Variants in S100PBP observed in about 807,000 individuals in gnomAD.
S100PBP encodes S100P binding protein, also known as S100P-binding protein.
S100PBP carries 15 observed loss-of-function variants against 39.9 expected under a neutral mutation model. That is an observed-to-expected ratio of 0.38 (90% CI 0.25 to 0.58). The LOEUF is 0.58. Ranked by LOEUF, S100PBP falls within the 20% of genes least tolerant of loss-of-function variation. The pLI, the probability that S100PBP is intolerant of heterozygous loss-of-function variation, is 0.70. For missense variants in S100PBP, 504 were observed against 487.3 expected, an observed-to-expected ratio of 1.03 and a Z score of -0.32; for synonymous variants, 178 against 180.3, an observed-to-expected ratio of 0.99 and a Z score of 0.10.
intron 1 of S100PBP, chr1:32,820,577 A>C (rs1639010149): frequency 6.6e-6 from 1 of 152,154 alleles, no homozygotes; most frequent in Admixed American, 6.5e-5. Flanking sequence ...GATCTCATTT[A>C]ATTCTTGCCA....
At chr1:32,855,134 A>G (rs890584148) in intron 6 of S100PBP, among the ~76,000 whole-genome samples, 1 of 152,218 alleles carries the variant, frequency 6.6e-6, no homozygotes, top group African/African-American at 2.4e-5. Context: ...ACTACTCATA[A>G]TTACCTGTGG....
intron 5 of S100PBP, among the ~76,000 whole-genome samples, chr1:32,831,721 A>T (rs1000849240): frequency 2.0e-5 from 3 of 151,920 alleles, no homozygotes; most frequent in Non-Finnish European, 4.4e-5. Flanking sequence ...TCCCCCCATC[A>T]TTGGAGGGGC....
intron 5 of S100PBP, among the ~76,000 whole-genome samples, chr1:32,841,298 C>T (rs76177756): frequency 2.6e-5 from 4 of 152,022 alleles, no homozygotes; most frequent in African/African-American, 7.2e-5. Context: ...TATGCCTTGT[C>T]TTTTCATTCC....
chr1:32,842,234 TATACACACACACACAC>T (rs1224746213), intron 5 of S100PBP, among the ~76,000 whole-genome samples: 5 of 91,954 alleles, frequency 5.4e-5, no homozygotes, highest in African/African-American at 1.4e-4. Flanking sequence ...TATATATATA[TATACACACACACACAC>T]ACACACACAC....
chr1:32,829,854 C>T, intron 4 of S100PBP, 110 bp from the exon 5 acceptor site: 2 of 719,810 alleles, frequency 2.8e-6, no homozygotes, highest in Middle Eastern at 3.7e-4. Flanking sequence ...ATAATTTTGC[C>T]TCTGAAACTT....
At chr1:32,838,465 T>C (rs1639943466) in intron 5 of S100PBP, among the ~76,000 whole-genome samples, 1 of 152,120 alleles carries the variant, frequency 6.6e-6, no homozygotes, top group Non-Finnish European at 1.5e-5. Flanking sequence ...TTGGGTATGG[T>C]CACTATTTTA....
intron 5 of S100PBP, among the ~76,000 whole-genome samples, chr1:32,839,803 C>T (rs541389617): frequency 2.0e-5 from 3 of 152,186 alleles, no homozygotes; most frequent in African/African-American, 7.2e-5. Flanking sequence ...TACCACTGCA[C>T]CCAGACTATT....
chr1:32,833,987 G>A, intron 5 of S100PBP: 1 of 282,624 alleles, frequency 3.5e-6, no homozygotes, highest in Non-Finnish European at 7.5e-6. Context: ...ATGCTGCAGT[G>A]AACATTCTGG....
intron 5 of S100PBP, among the ~76,000 whole-genome samples, chr1:32,840,612 C>T (rs1051140975): frequency 2.0e-5 from 3 of 152,104 alleles, no homozygotes; most frequent in Non-Finnish European, 2.9e-5. Flanking sequence ...CTGCCTCGGC[C>T]TCCCAAAGTG....
intron 5 of S100PBP, among the ~76,000 whole-genome samples, chr1:32,845,830 G>A (rs1010861300): frequency 4.7e-5 from 7 of 149,462 alleles, no homozygotes; most frequent in South Asian, 4.2e-4. Flanking sequence ...GGTGTGTGCC[G>A]CCAAGCCTGG....
intron 5 of S100PBP, among the ~76,000 whole-genome samples, chr1:32,837,828 T>G (rs551642719): frequency 6.6e-6 from 1 of 152,138 alleles, no homozygotes; most frequent in Non-Finnish European, 1.5e-5. Flanking sequence ...TATTTCTTTT[T>G]ATTGCTGAGT....
chr1:32,844,159 G>A (rs573844157), intron 5 of S100PBP, among the ~76,000 whole-genome samples: 4 of 152,102 alleles, frequency 2.6e-5, no homozygotes, highest in East Asian at 3.9e-4. Flanking sequence ...TAGGTGATCC[G>A]CCCACTTCGG....
chr1:32,828,836 A>G (rs1288940380), intron 4 of S100PBP, among the ~76,000 whole-genome samples: 1 of 152,090 alleles, frequency 6.6e-6, no homozygotes, highest in East Asian at 1.9e-4. Context: ...CGCCACCTCT[A>G]CTAAAAATAC....
chr1:32,824,205 C>A (rs373864243), intron 1 of S100PBP, among the ~76,000 whole-genome samples: 271 of 129,238 alleles, frequency 2.1e-3, no homozygotes, highest in African/African-American at 3.8e-3. Context: ...GACTCCGTCT[C>A]AAAAAAAAAA....
At chr1:32,835,403 G>T (rs962636960) in intron 5 of S100PBP, 22 of 150,494 alleles carry the variant, frequency 1.5e-4, no homozygotes, top group African/African-American at 4.2e-4. Context: ...TTTTTTAATT[G>T]TGGTAAAAAA....
chr1:32,853,861 C>G (rs1022004207), intron 6 of S100PBP, among the ~76,000 whole-genome samples: 1 of 152,116 alleles, frequency 6.6e-6, no homozygotes, highest in East Asian at 1.9e-4. Context: ...CCACTGCACT[C>G]CAGCCTGGGC....
chr1:32,844,249 G>T (rs1640252393), intron 5 of S100PBP, among the ~76,000 whole-genome samples: 2 of 151,854 alleles, frequency 1.3e-5, no homozygotes, highest in African/African-American at 2.4e-5. Flanking sequence ...GTGGGGTTTT[G>T]CTATATTGGC....
In S100PBP at chr1:32,858,639, C is replaced by T. The variant is rs774498053; in HGVS notation, c.*2601C>T. ...ATTTAACTGCTTTCTTCATCCATGA[C>T]GACATTCCCACCATGGGGGTCTTGA... is the stretch of plus-strand genomic sequence containing the variant. On this transcript the variant is annotated 3_prime_UTR_variant, in exon 7 of 7. Transcript: ENST00000373475. 7.2e-5 allele frequency: 11 copies of T among 152,160 alleles called. No individual in the cohort carries two copies. In the East Asian group the frequency reaches 1.7e-3, roughly 24 times the overall value. The allele number at this position is 152,160 out of a possible 1,614,324, so 9.4% of individuals were successfully genotyped here. A position where few individuals can be genotyped will look rare whatever the true frequency, so the allele number is the denominator to read the frequency against.
intron 5 of S100PBP, among the ~76,000 whole-genome samples, chr1:32,843,976 C>T (rs1001392774): frequency 1.3e-5 from 2 of 151,798 alleles, no homozygotes; most frequent in East Asian, 1.9e-4. Flanking sequence ...TGCAGTGGCT[C>T]GATCTCAGCT....
Sources: gnomAD v4.1 joint callset for allele counts (sites outside exome capture counted in the v4.1 genomes callset) on GRCh38, gnomAD v4.1.1 for gene constraint, MANE v1.5 for transcripts, NCBI Gene and HGNC (gene_info 2026-07-23, HGNC 2026-07-21) for gene names.